The following COL4A2 variants were observed in gnomAD, a reference collection of about 807,000 sequenced individuals.
The protein encoded by COL4A2 is collagen type IV alpha 2 chain.
A neutral mutation model predicts 200.2 loss-of-function variants in COL4A2; 99 were observed. The ratio of observed to expected loss-of-function variants is 0.49; its 90% CI spans 0.42 to 0.58. COL4A2 has a LOEUF of 0.58. COL4A2 is among the 20% of genes least tolerant of loss of function. COL4A2 has a pLI of 0.00. For synonymous variants in COL4A2, 897 were observed against 900.6 expected, an observed-to-expected ratio of 1.00 and a Z score of 0.07; for missense variants, 1,950 against 2,314.1, an observed-to-expected ratio of 0.84 and a Z score of 3.23.
At chr13:110,345,605 A>G (rs954556843) in intron 3 of COL4A2, among the ~76,000 whole-genome samples, 1 of 152,174 alleles carries the variant, frequency 6.6e-6, no homozygotes, top group African/African-American at 2.4e-5. Context: ...CGTTCTTTTT[A>G]ACCTGATATG....
chr13:110,405,741 G>A (rs1298788917), intron 4 of COL4A2, among the ~76,000 whole-genome samples: 2 of 152,150 alleles, frequency 1.3e-5, no homozygotes, highest in Non-Finnish European at 2.9e-5. Context: ...TTTTCCCTTG[G>A]TTTTTGGTTT....
intron 40 of COL4A2, among the ~76,000 whole-genome samples, chr13:110,498,810 T>C (rs1335082437): frequency 6.6e-6 from 1 of 152,184 alleles, no homozygotes; most frequent in African/African-American, 2.4e-5. Context: ...GTGGGACCCA[T>C]TTATCAAAAC....
At chr13:110,423,725 C>T (rs1880349088) in intron 4 of COL4A2, among the ~76,000 whole-genome samples, 1 of 152,124 alleles carries the variant, frequency 6.6e-6, no homozygotes, top group Non-Finnish European at 1.5e-5. Context: ...CCCCCTGTCC[C>T]TCTCTGCCCG....
chr13:110,425,511 G>C (rs1311567733), intron 6 of COL4A2, among the ~76,000 whole-genome samples: 2 of 152,116 alleles, frequency 1.3e-5, no homozygotes, highest in Non-Finnish European at 2.9e-5. Context: ...ACTTCTCGTG[G>C]CATAAAAAAA....
intron 30 of COL4A2, among the ~76,000 whole-genome samples, chr13:110,479,140 G>A (rs995344215): frequency 2.0e-5 from 3 of 152,210 alleles, no homozygotes; most frequent in African/African-American, 4.8e-5. Flanking sequence ...TCTCAGTATC[G>A]ACAGGGCCGT....
At chr13:110,321,452 C>T (rs1315119239) in intron 3 of COL4A2, among the ~76,000 whole-genome samples, 1 of 152,164 alleles carries the variant, frequency 6.6e-6, no homozygotes, top group African/African-American at 2.4e-5. Flanking sequence ...TCATCCTAAA[C>T]AGAAATTCCA....
intron 4 of COL4A2, among the ~76,000 whole-genome samples, chr13:110,385,530 C>CCGTGGTTACAGTGT (rs1878673572): frequency 3.2e-4 from 6 of 18,530 alleles, no homozygotes; most frequent in Admixed American, 5.9e-4. Flanking sequence ...GGTTACAGTG[C>CCGTGGTTACAGTGT]GTGGATAGGC....
At chr13:110,491,088 C>A (rs1883269384) in intron 36 of COL4A2, 145 bp from the exon 37 acceptor site, 1 of 651,432 alleles carries the variant, frequency 1.5e-6, no homozygotes, top group African/African-American at 1.8e-5. Flanking sequence ...GGTTAAAAAT[C>A]AGCTAAGGAA....
At chr13:110,497,164 C>T (rs556456563) in intron 40 of COL4A2, among the ~76,000 whole-genome samples, 7 of 151,232 alleles carry the variant, frequency 4.6e-5, no homozygotes, top group East Asian at 2.0e-4. Context: ...CTAGGGTCAG[C>T]GCACCAGCAG....
rs1166885716 is a variant in COL4A2 at position 110,492,181 on chromosome 13, A to T, written c.3562+4A>T. 1 of 1,551,456 alleles carries T rather than the reference A, an allele frequency of 6.4e-7. No homozygotes were observed. Among genetic ancestry groups the T allele is most frequent in the Non-Finnish European group, 8.7e-7 (1 of 1,146,800 alleles). Reference sequence around the variant, plus strand: ...CCGGGAGCTCCGGGCTTACCAGGTAAGGTCACGTAAAACACGTGGTCACCC... The same window carrying T: ...CCGGGAGCTCCGGGCTTACCAGGTATGGTCACGTAAAACACGTGGTCACCC... On this transcript the variant is annotated splice_donor_region_variant and intron_variant, in intron 38 of 47. Transcript: ENST00000360467.
intron 3 of COL4A2, among the ~76,000 whole-genome samples, chr13:110,353,735 C>T (rs1474566591): frequency 1.3e-5 from 2 of 152,212 alleles, no homozygotes; most frequent in Non-Finnish European, 2.9e-5. Context: ...TCCTAAGACT[C>T]TCTCTGGAGG....
At chr13:110,342,405 T>C (rs1034383606) in intron 3 of COL4A2, among the ~76,000 whole-genome samples, 2 of 152,190 alleles carry the variant, frequency 1.3e-5, no homozygotes, top group African/African-American at 2.4e-5. Context: ...GCAATCTCCT[T>C]GAACAATAAC....
chr13:110,330,407 C>CG (rs921335308), intron 3 of COL4A2, among the ~76,000 whole-genome samples: 7 of 149,560 alleles, frequency 4.7e-5, no homozygotes, highest in East Asian at 2.0e-4. Flanking sequence ...GGGGTGGAGG[C>CG]GGGGGGGCAG....
rs750508941 is a variant in COL4A2, at chr13:110,493,206, C to G, written c.3563-5C>G. On this transcript the variant is annotated splice_region_variant and splice_polypyrimidine_tract_variant and intron_variant, in intron 38 of 47. Coordinates refer to ENST00000360467, the MANE Select transcript of COL4A2 (RefSeq NM_001846.4). Reference sequence around the variant, plus strand: ...AATAAATAACGATGAGTGACACCCCCGCAGGTTTTCCGGGACTCCGTGGGA... The same window carrying G: ...AATAAATAACGATGAGTGACACCCCGGCAGGTTTTCCGGGACTCCGTGGGA... 3 of 1,614,034 alleles carry G rather than the reference C, an allele frequency of 1.9e-6. No individual in the cohort carries two copies. Among genetic ancestry groups the G allele is most frequent in the African/African-American group, 2.7e-5 (2 of 74,926 alleles).
intron 3 of COL4A2, among the ~76,000 whole-genome samples, chr13:110,314,149 A>C (rs1482114048): frequency 2.0e-5 from 3 of 152,230 alleles, no homozygotes; most frequent in Non-Finnish European, 4.4e-5. Context: ...CTTAGTTTTC[A>C]CAGAAATGTG....
At chr13:110,456,060 C>T (rs1881720948) in intron 20 of COL4A2, among the ~76,000 whole-genome samples, 2 of 152,236 alleles carry the variant, frequency 1.3e-5, no homozygotes, top group Admixed American at 6.5e-5. Flanking sequence ...CCTCCTGCCA[C>T]GAGATGGCAC....
chr13:110,412,159 A>C (rs1879868245), intron 4 of COL4A2, among the ~76,000 whole-genome samples: 1 of 152,254 alleles, frequency 6.6e-6, no homozygotes, highest in South Asian at 2.1e-4. Context: ...AGGGAAGGGA[A>C]TTGTCCAACC....
intron 4 of COL4A2, among the ~76,000 whole-genome samples, chr13:110,416,667 C>T (rs980404079): frequency 1.3e-5 from 2 of 152,334 alleles, no homozygotes; most frequent in South Asian, 4.1e-4. Flanking sequence ...TTTTTCTCTG[C>T]TTTAAAATGT....
intron 3 of COL4A2, among the ~76,000 whole-genome samples, chr13:110,309,036 G>A (rs1489523081): frequency 1.3e-5 from 2 of 152,192 alleles, no homozygotes; most frequent in African/African-American, 4.8e-5. Flanking sequence ...TTCCTCCTGG[G>A]AACGACCCCT....
Sources: gnomAD v4.1 joint callset for allele counts (sites outside exome capture counted in the v4.1 genomes callset) on GRCh38, gnomAD v4.1.1 for gene constraint, MANE v1.5 for transcripts, NCBI Gene and HGNC (gene_info 2026-07-23, HGNC 2026-07-21) for gene names.